The following LRP1B variants were observed in gnomAD, a reference collection of about 807,000 sequenced individuals.
The protein encoded by LRP1B is LDL receptor related protein 1B.
In LRP1B, 217 loss-of-function variants were observed where a neutral mutation model predicts 556.6. The ratio of observed to expected loss-of-function variants is 0.39; its 90% CI spans 0.35 to 0.44. The LOEUF (loss-of-function observed/expected upper bound fraction) is 0.44, where lower values mean the gene tolerates loss of function less well. Ranked by LOEUF, LRP1B falls within the 20% of genes least tolerant of loss-of-function variation. The probability of loss-of-function intolerance (pLI) is 1.00; values close to 1 mark genes in which losing one functional copy is unlikely to be tolerated. For synonymous variants in LRP1B, 2,047 were observed against 1,865.8 expected, an observed-to-expected ratio of 1.10 and a Z score of -2.50; for missense variants, 5,053 against 5,620.8, an observed-to-expected ratio of 0.90 and a Z score of 3.23.
chr2:140,257,303 AAAAT>A (rs1254739145), intron 86 of LRP1B, among the ~76,000 whole-genome samples: 1 of 152,214 alleles, frequency 6.6e-6, no homozygotes, highest in Non-Finnish European at 1.5e-5. Flanking sequence ...TAATAAAGAC[AAAAT>A]AAATGGATAA....
intron 2 of LRP1B, among the ~76,000 whole-genome samples, chr2:141,632,692 T>C (rs973488093): frequency 1.3e-5 from 2 of 151,994 alleles, no homozygotes; most frequent in Non-Finnish European, 2.9e-5. Flanking sequence ...CCAAATGGGG[T>C]TGGCATATAA....
intron 21 of LRP1B, among the ~76,000 whole-genome samples, chr2:140,909,573 T>A (rs891872749): frequency 6.6e-6 from 1 of 151,356 alleles, no homozygotes; most frequent in Non-Finnish European, 1.5e-5. Flanking sequence ...AGAAACATTA[T>A]AAACTTTTGC....
chr2:141,340,843 G>A (rs566646139), intron 3 of LRP1B, among the ~76,000 whole-genome samples: 2 of 152,026 alleles, frequency 1.3e-5, no homozygotes, highest in African/African-American at 4.8e-5. Context: ...ATTTCAAACA[G>A]GAAGAAACAG....
intron 20 of LRP1B, among the ~76,000 whole-genome samples, chr2:140,930,042 T>G (rs1695004782): frequency 6.6e-6 from 1 of 152,048 alleles, no homozygotes; most frequent in Non-Finnish European, 1.5e-5. Context: ...CTGAAGAACC[T>G]ATGATGACCA....
At chr2:141,764,536 C>T (rs1424786631) in intron 2 of LRP1B, among the ~76,000 whole-genome samples, 1 of 152,122 alleles carries the variant, frequency 6.6e-6, no homozygotes, top group Non-Finnish European at 1.5e-5. Flanking sequence ...CTCCCATGTG[C>T]TCACAGAGAA....
chr2:140,805,497 G>A (rs1278574120), intron 32 of LRP1B, among the ~76,000 whole-genome samples: 1 of 152,134 alleles, frequency 6.6e-6, no homozygotes, highest in African/African-American at 2.4e-5. Flanking sequence ...GCAGTTTTAT[G>A]TTGTAAACTC....
chr2:141,497,127 T>C (rs1683537016), intron 2 of LRP1B, among the ~76,000 whole-genome samples: 3 of 152,032 alleles, frequency 2.0e-5, no homozygotes, highest in Non-Finnish European at 4.4e-5. Flanking sequence ...ATTATAAATA[T>C]ATTAGAAGTA....
At chr2:142,020,874 T>G (rs996586097) in intron 1 of LRP1B, among the ~76,000 whole-genome samples, 2 of 152,226 alleles carry the variant, frequency 1.3e-5, no homozygotes, top group African/African-American at 4.8e-5. Context: ...AGGTCAATTT[T>G]ACTTTCTTGC....
chr2:142,115,839 G>A (rs187823378), intron 1 of LRP1B, among the ~76,000 whole-genome samples: 609 of 4,340 alleles, frequency 0.14, 252 homozygotes, highest in Middle Eastern at 0.5. Flanking sequence ...TCATATATAT[G>A]TAATATATAT....
At chr2:141,482,921 T>G (rs1349060380) in intron 2 of LRP1B, among the ~76,000 whole-genome samples, 1 of 150,510 alleles carries the variant, frequency 6.6e-6, no homozygotes, top group African/African-American at 2.4e-5. Flanking sequence ...TCAGCAGTTC[T>G]CACAAGCAGC....
intron 35 of LRP1B, among the ~76,000 whole-genome samples, chr2:140,718,880 G>A (rs1687301555): frequency 2.6e-5 from 4 of 151,184 alleles, no homozygotes. Flanking sequence ...TGTCTTGAAC[G>A]TTTTTCCCCA....
chr2:141,901,865 T>C (rs946134347), intron 1 of LRP1B, among the ~76,000 whole-genome samples: 7 of 151,920 alleles, frequency 4.6e-5, no homozygotes, highest in East Asian at 1.9e-4. Flanking sequence ...GATGTCAACT[T>C]TTTTCTATAG....
rs561122403 is a variant in LRP1B, at chr2:140,679,003, C to A, written c.6799+21247G>T. Among the ~76,000 whole-genome samples, 3 of 152,206 alleles carry A rather than the reference C, an allele frequency of 2.0e-5. No individual in the cohort carries two copies. In the East Asian group the frequency reaches 5.8e-4, roughly 30 times the overall value. On this transcript the variant is annotated intron_variant, in intron 41 of 90. Coordinates refer to ENST00000389484, the MANE Select transcript of LRP1B (RefSeq NM_018557.3). ...TGGTGGCCAGGCTGGTCTTGAACTCCTGACCTCTGTTGATCCACCTGCCTC... is the reference window on the plus strand; with the variant it reads ...TGGTGGCCAGGCTGGTCTTGAACTCATGACCTCTGTTGATCCACCTGCCTC...
At chr2:141,584,169 C>T (rs1574105829) in intron 2 of LRP1B, among the ~76,000 whole-genome samples, 4 of 151,564 alleles carry the variant, frequency 2.6e-5, no homozygotes, top group South Asian at 2.1e-4. Context: ...CACTGGAGCC[C>T]GGGAGACAAA....
At chr2:141,802,911 A>G (rs1356126034) in intron 2 of LRP1B, among the ~76,000 whole-genome samples, 1 of 152,110 alleles carries the variant, frequency 6.6e-6, no homozygotes, top group African/African-American at 2.4e-5. Flanking sequence ...TTGTCCCTGT[A>G]GAGTCCTGCA....
chr2:141,098,266 T>C (rs1458083812), intron 7 of LRP1B, among the ~76,000 whole-genome samples: 1 of 152,086 alleles, frequency 6.6e-6, no homozygotes, highest in African/African-American at 2.4e-5. Flanking sequence ...TAAAATATCA[T>C]ATATGAATTT....
rs1327567912 is a variant in LRP1B at position 140,517,118 on chromosome 2, C to G, written c.8027-107G>C. The G allele has an allele frequency of 9.1e-6, 7 of 767,100 alleles. No individual in the cohort carries two copies. The Admixed American group carries it at 1.8e-4, about 19-fold the overall frequency. The allele number at this position is 767,100 out of a possible 1,614,324, so 47.5% of individuals were successfully genotyped here. On this transcript the variant is annotated intron_variant, in intron 49 of 90. Coordinates refer to ENST00000389484, the MANE Select transcript of LRP1B (RefSeq NM_018557.3). ...CTGAAAGAGATAAATAACAAGTAAGCTTAAAAATAGCTAAGATTTTCTCCT... is the reference window on the plus strand; with the variant it reads ...CTGAAAGAGATAAATAACAAGTAAGGTTAAAAATAGCTAAGATTTTCTCCT...
At chr2:140,918,571 T>C (rs1333668175) in intron 21 of LRP1B, among the ~76,000 whole-genome samples, 1 of 152,116 alleles carries the variant, frequency 6.6e-6, no homozygotes, top group Non-Finnish European at 1.5e-5. Flanking sequence ...AGCATGGGTA[T>C]TACTGGGCTT....
intron 7 of LRP1B, among the ~76,000 whole-genome samples, chr2:141,178,400 C>T (rs1470179075): frequency 6.6e-6 from 1 of 152,124 alleles, no homozygotes; most frequent in Non-Finnish European, 1.5e-5. Context: ...CTTCCACTTT[C>T]TAAATGAGAG....
Sources: gnomAD v4.1 joint callset for allele counts (sites outside exome capture counted in the v4.1 genomes callset) on GRCh38, gnomAD v4.1.1 for gene constraint, MANE v1.5 for transcripts, NCBI Gene and HGNC (gene_info 2026-07-23, HGNC 2026-07-21) for gene names.